BABAM2: variants seen among roughly 807,000 people sequenced by gnomAD.
BABAM2 encodes the protein BRISC and BRCA1-A complex member 2.
In BABAM2, 31 loss-of-function variants were observed where a neutral mutation model predicts 54.7. The ratio of observed to expected loss-of-function variants is 0.57; its 90% CI spans 0.43 to 0.77. The LOEUF is 0.77. BABAM2 is among the 30% of genes least tolerant of loss of function. BABAM2 has a pLI of 0.00. For synonymous variants in BABAM2, 167 were observed against 162.9 expected (o/e 1.03, Z -0.19); for missense variants, 364 against 455.8 (o/e 0.80, Z 1.83).
chr2:27,906,787 C>T (rs1252584602), intron 2 of BABAM2, among the ~76,000 whole-genome samples: 1 of 151,558 alleles, frequency 6.6e-6, no homozygotes, highest in Non-Finnish European at 1.5e-5. Flanking sequence ...CTATTCCTGG[C>T]TCCACTTTAC....
intron 4 of BABAM2, chr2:28,016,590 C>T (rs1320152994): frequency 5.7e-6 from 3 of 523,504 alleles, no homozygotes; most frequent in Non-Finnish European, 1.0e-5. Context: ...TCTGTACATC[C>T]CAGAATCCAC....
intron 11 of BABAM2, chr2:28,327,574 AC>A: frequency 9.0e-7 from 1 of 1,112,362 alleles, no homozygotes; most frequent in East Asian, 2.7e-5. Context: ...ATTTAATTCA[AC>A]ACATACTGAG....
intron 4 of BABAM2, among the ~76,000 whole-genome samples, chr2:28,012,775 G>A (rs1182049122): frequency 6.6e-6 from 1 of 152,142 alleles, no homozygotes; most frequent in African/African-American, 2.4e-5. Context: ...TTCCTTTGGA[G>A]GGTATTCTTT....
intron 3 of BABAM2, among the ~76,000 whole-genome samples, chr2:27,945,344 A>G (rs1669222114): frequency 6.6e-6 from 1 of 151,916 alleles, no homozygotes; most frequent in African/African-American, 2.4e-5. Flanking sequence ...GCTACTTTTG[A>G]TCATATATTT....
intron 3 of BABAM2, among the ~76,000 whole-genome samples, chr2:27,934,330 A>G (rs1668333409): frequency 6.6e-6 from 1 of 152,072 alleles, no homozygotes; most frequent in African/African-American, 2.4e-5. Flanking sequence ...TACTATTGTC[A>G]TTGTGTTGAG....
upstream of BABAM2, chr2:27,890,186 C>T: frequency 6.8e-7 from 1 of 1,472,036 alleles, no homozygotes; most frequent in Admixed American, 1.7e-5. This position sits in a 1 kb window ranked among gnomAD's most constrained non-coding sequence, Gnocchi z 4.8. Flanking sequence ...CCCAAAAGCT[C>T]CACTGGGCGC....
intron 7 of BABAM2, among the ~76,000 whole-genome samples, chr2:28,229,156 G>C (rs1029241723): frequency 6.6e-6 from 1 of 152,116 alleles, no homozygotes; most frequent in Non-Finnish European, 1.5e-5. Flanking sequence ...AGTCACATGT[G>C]GAACCAGATG....
intron 7 of BABAM2, among the ~76,000 whole-genome samples, chr2:28,196,121 A>G (rs1319718245): frequency 6.6e-6 from 1 of 152,052 alleles, no homozygotes; most frequent in Non-Finnish European, 1.5e-5. Context: ...AGGTCAGGAG[A>G]TCGAGACCAT....
chr2:27,949,074 C>T (rs1298210755), intron 3 of BABAM2, among the ~76,000 whole-genome samples: 1 of 152,174 alleles, frequency 6.6e-6, no homozygotes, highest in Non-Finnish European at 1.5e-5. Context: ...TGCGAAGACT[C>T]TCAGGGGAAG....
At chr2:28,129,406 C>T in intron 7 of BABAM2, 26 bp downstream of exon 7, 3 of 1,545,892 alleles carry the variant, frequency 1.9e-6, no homozygotes, top group Non-Finnish European at 2.7e-6. Context: ...ATGAGGTAGC[C>T]TGGTGCTACT....
chr2:28,223,612 G>T lies in BABAM2; in HGVS notation c.681-13590G>T, dbSNP rs761459003. 3.9e-5 allele frequency among the ~76,000 whole-genome samples: 6 copies of T among 152,206 alleles called. No individual in the cohort carries two copies. In the East Asian group the frequency reaches 1.2e-3, roughly 29 times the overall value. On this transcript the variant is annotated intron_variant, in intron 7 of 11. Transcript: ENST00000379624. ...TAGAGGTCTCCAGAGGGGACAGGAA[G>T]ATCAATGGGCAACTGGAATGACACC...
At chr2:27,903,433 A>C (rs1665956756) in intron 2 of BABAM2, among the ~76,000 whole-genome samples, 1 of 152,252 alleles carries the variant, frequency 6.6e-6, no homozygotes, top group African/African-American at 2.4e-5. Context: ...AGTTAACAAA[A>C]AAACTTCTTT....
At chr2:28,090,639 A>G (rs764710817) in intron 6 of BABAM2, among the ~76,000 whole-genome samples, 2 of 152,188 alleles carry the variant, frequency 1.3e-5, no homozygotes, top group African/African-American at 2.4e-5. Flanking sequence ...GTATGCTTCT[A>G]GCTTAGGGTC....
At chr2:28,044,840 C>T (rs1465954108) in intron 5 of BABAM2, among the ~76,000 whole-genome samples, 2 of 151,892 alleles carry the variant, frequency 1.3e-5, no homozygotes, top group African/African-American at 4.8e-5. Flanking sequence ...GTCAAAATAC[C>T]AGGCTGAGCT....
Position 28,132,826 on chromosome 2 carries a change from C to A in BABAM2, c.680+3446C>A, listed in dbSNP as rs1458115877. On this transcript the variant is annotated intron_variant, in intron 7 of 11. Coordinates refer to ENST00000379624, the MANE Select transcript of BABAM2 (RefSeq NM_199191.3). The stretch of plus-strand genomic sequence containing the variant: ...ATTGGTGATAAGGATTTTTAAAAAT[C>A]TTTTGCTGAATTGCAAGCTACTTAT... 3.3e-5 allele frequency among the ~76,000 whole-genome samples: 5 copies of A among 152,202 alleles called. No homozygotes were observed. In the South Asian group the frequency reaches 6.2e-4, roughly 19 times the overall value.
At position 28,260,526 on chromosome 2, in the gene BABAM2, T is replaced by C. The variant is rs569936358; in HGVS notation, c.934+15664T>C. Among the ~76,000 whole-genome samples the C allele has an allele frequency of 2.0e-5, 3 of 151,940 alleles. No homozygotes were observed. The South Asian group carries it at 6.2e-4, about 32-fold the overall frequency. On this transcript the variant is annotated intron_variant, in intron 10 of 11. Transcript: ENST00000379624. ...CGTGTTAGCCAGGCTAGTCTTGAAC[T>C]CCTAACCTCAGGTGATCCACCCACC...
chr2:28,184,032 A>G (rs1675961292), intron 7 of BABAM2, among the ~76,000 whole-genome samples: 1 of 152,168 alleles, frequency 6.6e-6, no homozygotes, highest in African/African-American at 2.4e-5. Context: ...GAAAGTTTGC[A>G]TTTGGGCATA....
chr2:28,229,712 G>A (rs937192419), intron 7 of BABAM2, among the ~76,000 whole-genome samples: 2 of 151,812 alleles, frequency 1.3e-5, no homozygotes, highest in African/African-American at 4.8e-5. Flanking sequence ...AGCCTCCCAA[G>A]TAGCTGGAAC....
At chr2:27,962,662 A>G (rs999871265) in intron 3 of BABAM2, among the ~76,000 whole-genome samples, 5 of 152,264 alleles carry the variant, frequency 3.3e-5, no homozygotes, top group African/African-American at 1.2e-4. Flanking sequence ...AAGCAAATTT[A>G]ATTAAAATAG....
Sources: allele counts gnomAD v4.1 joint callset (sites outside exome capture counted in the v4.1 genomes callset), GRCh38; gene constraint gnomAD v4.1.1; non-coding constraint Gnocchi (gnomAD v3.1); transcripts MANE v1.5; gene names NCBI Gene and HGNC (gene_info 2026-07-23, HGNC 2026-07-21).